The following MFAP1 variants were observed in gnomAD, a reference collection of about 807,000 sequenced individuals.
MFAP1 encodes microfibril associated protein 1.
A neutral mutation model predicts 62.2 loss-of-function variants in MFAP1; 18 were observed. The ratio of observed to expected loss-of-function variants is 0.29; its 90% CI spans 0.20 to 0.43. MFAP1 has a LOEUF of 0.43. Ranked by LOEUF, MFAP1 falls within the 20% of genes least tolerant of loss-of-function variation. The pLI is 1.00. For missense variants in MFAP1, 355 were observed against 559.7 expected, an observed-to-expected ratio of 0.63 and a Z score of 3.69; for synonymous variants, 175 against 180.4, an observed-to-expected ratio of 0.97 and a Z score of 0.24.
At chr15:43,820,549 T>C (rs2087461305) in intron 1 of MFAP1, among the ~76,000 whole-genome samples, 1 of 152,216 alleles carries the variant, frequency 6.6e-6, no homozygotes, top group African/African-American at 2.4e-5. Flanking sequence ...AAAAAACTTA[T>C]TTATAAAAAT....
At chr15:43,823,381 CTTTTTTTTT>C (rs200413511) in intron 1 of MFAP1, among the ~76,000 whole-genome samples, 1 of 142,020 alleles carries the variant, frequency 7.0e-6, no homozygotes, top group African/African-American at 2.6e-5. Flanking sequence ...GCAGAACTTT[CTTTTTTTTT>C]TTTTGAGAGA....
chr15:43,807,482 G>A (rs534100407), intron 7 of MFAP1, among the ~76,000 whole-genome samples: 2 of 151,140 alleles, frequency 1.3e-5, no homozygotes, highest in Non-Finnish European at 2.9e-5. Context: ...CCAAGTAGCT[G>A]TGACTACAGG....
chr15:43,822,875 G>A (rs2087475096), intron 1 of MFAP1, among the ~76,000 whole-genome samples: 1 of 151,790 alleles, frequency 6.6e-6, no homozygotes, highest in Admixed American at 6.6e-5. Context: ...TCTTGCTCTT[G>A]TCCCCCAGGC....
At chr15:43,818,744 G>A (rs117062113) in intron 1 of MFAP1, among the ~76,000 whole-genome samples, 3 of 151,796 alleles carry the variant, frequency 2.0e-5, no homozygotes, top group South Asian at 2.1e-4. Flanking sequence ...AAAATTACCC[G>A]GACATAGTGG....
At chr15:43,812,188 C>CAAAA (rs200328815) in intron 6 of MFAP1, among the ~76,000 whole-genome samples, 48 of 90,308 alleles carry the variant, frequency 5.3e-4, no homozygotes, top group African/African-American at 1.7e-3. Context: ...AACTTCATGT[C>CAAAA]AAAAAAAAAA....
At chr15:43,822,847 ATTATTT>A (rs2141714044) in intron 1 of MFAP1, among the ~76,000 whole-genome samples, 1 of 151,390 alleles carries the variant, frequency 6.6e-6, no homozygotes, top group Non-Finnish European at 1.5e-5. Context: ...TATTATTATT[ATTATTT>A]TTGAGACGAA....
At chr15:43,806,267 G>A (rs1039700204) in intron 7 of MFAP1, among the ~76,000 whole-genome samples, 1 of 152,124 alleles carries the variant, frequency 6.6e-6, no homozygotes, top group Admixed American at 6.6e-5. Context: ...TCATAAGTTG[G>A]ATATTTTATT....
chr15:43,809,389 A>G (rs2087384282), intron 7 of MFAP1, among the ~76,000 whole-genome samples: 1 of 150,942 alleles, frequency 6.6e-6, no homozygotes, highest in Admixed American at 6.6e-5. Flanking sequence ...AGTCCCAGCT[A>G]CTCTGGAGGC....
intron 1 of MFAP1, among the ~76,000 whole-genome samples, chr15:43,819,342 A>G (rs1356707911): frequency 6.6e-6 from 1 of 152,136 alleles, no homozygotes; most frequent in African/African-American, 2.4e-5. Context: ...GGGTCTTGCT[A>G]TGTTGCCCAA....
At chr15:43,812,224 G>A (rs535805254) in intron 6 of MFAP1, among the ~76,000 whole-genome samples, 1 of 151,780 alleles carries the variant, frequency 6.6e-6, no homozygotes, top group African/African-American at 2.4e-5. Context: ...CTAACACAGT[G>A]TAGATTATTT....
chr15:43,807,927 G>A (rs762286814), intron 7 of MFAP1, among the ~76,000 whole-genome samples: 3 of 152,168 alleles, frequency 2.0e-5, no homozygotes, highest in Non-Finnish European at 4.4e-5. Flanking sequence ...GGTGGAAGGA[G>A]AGTTTGAGCC....
intron 1 of MFAP1, among the ~76,000 whole-genome samples, chr15:43,819,030 A>G (rs964624120): frequency 2.0e-5 from 3 of 152,166 alleles, no homozygotes; most frequent in Non-Finnish European, 4.4e-5. Flanking sequence ...CGTCTCTACT[A>G]AAAATACAAA....
At chr15:43,805,872 A>C (rs2087361498) in intron 7 of MFAP1, among the ~76,000 whole-genome samples, 1 of 152,010 alleles carries the variant, frequency 6.6e-6, no homozygotes, top group Non-Finnish European at 1.5e-5. Flanking sequence ...TTGGCCTCCC[A>C]AAGTGCTGGG....
intron 1 of MFAP1, among the ~76,000 whole-genome samples, chr15:43,823,159 T>C (rs1325346782): frequency 6.6e-6 from 1 of 150,880 alleles, no homozygotes; most frequent in Non-Finnish European, 1.5e-5. Flanking sequence ...TTTGCAGAGA[T>C]TGGCGGGGGT....
At position 43,821,844 on chromosome 15, in the gene MFAP1, C is replaced by T. The variant is rs150281457; in HGVS notation, c.79+2647G>A. On this transcript the variant is annotated intron_variant, in intron 1 of 8. Coordinates refer to ENST00000267812, the MANE Select transcript of MFAP1 (RefSeq NM_005926.3). ...TTTACAATATGAGTATCTGTGATCT[C>T]AGTGCAGGGAAGGATTATTTCTTAA... Among the ~76,000 whole-genome samples, 15 of 151,892 alleles carry T rather than the reference C, an allele frequency of 9.9e-5. No homozygotes were observed. In the East Asian group the frequency reaches 2.3e-3, roughly 23 times the overall value.
At chr15:43,814,281 T>C (rs932502667) in intron 4 of MFAP1, among the ~76,000 whole-genome samples, 1 of 152,132 alleles carries the variant, frequency 6.6e-6, no homozygotes, top group Non-Finnish European at 1.5e-5. Flanking sequence ...TGGACAGATA[T>C]ATGCTCTATT....
At chr15:43,814,729 A>G (rs1247898393) in intron 3 of MFAP1, 41 bp from the exon 4 acceptor site, 1 of 1,593,266 alleles carries the variant, frequency 6.3e-7, no homozygotes, top group African/African-American at 1.3e-5. Context: ...CAAATGGCCT[A>G]TGGCTTTTTG....
At chr15:43,817,470 T>G (rs377221782) in intron 1 of MFAP1, 22 bp from the exon 2 acceptor site, 4 of 1,612,762 alleles carry the variant, frequency 2.5e-6, no homozygotes, top group African/African-American at 1.3e-5. Flanking sequence ...AGGTAACTTA[T>G]GTTTCAGTAG....
chr15:43,806,391 C>T (rs1300212157), intron 7 of MFAP1, among the ~76,000 whole-genome samples: 1 of 152,150 alleles, frequency 6.6e-6, no homozygotes, highest in East Asian at 1.9e-4. Context: ...CTTCGATTAC[C>T]TAGATTCAAA....
Sources: allele counts gnomAD v4.1 joint callset (sites outside exome capture counted in the v4.1 genomes callset), GRCh38; gene constraint gnomAD v4.1.1; transcripts MANE v1.5; gene names NCBI Gene and HGNC (gene_info 2026-07-23, HGNC 2026-07-21).